NOL4: variants seen among roughly 807,000 people sequenced by gnomAD.
The protein encoded by NOL4 is nucleolar protein 4.
NOL4 carries 17 observed loss-of-function variants against 75.9 expected under a neutral mutation model. That is an observed-to-expected ratio of 0.22 (90% CI 0.15 to 0.34). The LOEUF (loss-of-function observed/expected upper bound fraction) is 0.34. Among genes scored for constraint, NOL4 ranks in the 10% least tolerant of loss-of-function variants. The pLI is 1.00. For missense variants in NOL4, 614 were observed against 793.5 expected, an observed-to-expected ratio of 0.77 and a Z score of 2.72; for synonymous variants, 292 against 289.9, an observed-to-expected ratio of 1.01 and a Z score of -0.07.
chr18:33,993,011 G>C (rs559120312), intron 6 of NOL4, among the ~76,000 whole-genome samples: 1 of 152,110 alleles, frequency 6.6e-6, no homozygotes, highest in South Asian at 2.1e-4. Flanking sequence ...CAACTGGAAG[G>C]AGATTGGCAG....
chr18:33,968,693 G>A (rs2070801955), intron 6 of NOL4, among the ~76,000 whole-genome samples: 1 of 152,152 alleles, frequency 6.6e-6, no homozygotes, highest in East Asian at 1.9e-4. Context: ...CACTACCTGT[G>A]TGAGGGGATC....
At chr18:34,147,253 T>C (rs2081439163) in intron 1 of NOL4, among the ~76,000 whole-genome samples, 1 of 152,168 alleles carries the variant, frequency 6.6e-6, no homozygotes, top group South Asian at 2.1e-4. Context: ...TCCAACACTA[T>C]GTTGAATAGG....
chr18:34,077,982 C>T (rs1347570660), intron 5 of NOL4, among the ~76,000 whole-genome samples: 2 of 152,092 alleles, frequency 1.3e-5, no homozygotes, highest in African/African-American at 2.4e-5. Context: ...ATAATTTTTA[C>T]ACCTAAGAAA....
intron 10 of NOL4, among the ~76,000 whole-genome samples, chr18:33,858,945 T>C (rs1567964899): frequency 6.6e-6 from 1 of 152,104 alleles, no homozygotes. Flanking sequence ...CTTTCAAGTA[T>C]AATGGTATAA....
intron 8 of NOL4, among the ~76,000 whole-genome samples, chr18:33,956,621 G>A (rs1008672314): frequency 6.6e-6 from 1 of 152,144 alleles, no homozygotes; most frequent in African/African-American, 2.4e-5. Flanking sequence ...GTTATTTCTA[G>A]ATGTAACAAT....
intron 10 of NOL4, among the ~76,000 whole-genome samples, chr18:33,859,003 TTA>T (rs2062967298): frequency 6.6e-6 from 1 of 152,102 alleles, no homozygotes; most frequent in Non-Finnish European, 1.5e-5. Context: ...AAAATTTCTA[TTA>T]TGTTTCATCT....
At chr18:33,918,019 C>A (rs1360016945) in intron 9 of NOL4, among the ~76,000 whole-genome samples, 1 of 152,122 alleles carries the variant, frequency 6.6e-6, no homozygotes, top group Non-Finnish European at 1.5e-5. Flanking sequence ...ACATCTTATT[C>A]TAGTTTAGGG....
rs34125584 is a variant in NOL4 at position 33,970,725 on chromosome 18, TTGTGTGTGTG to T, written c.1057-12317_1057-12308del. On this transcript the variant is annotated intron_variant, in intron 6 of 10. Coordinates refer to ENST00000261592, the MANE Select transcript of NOL4 (RefSeq NM_003787.5). Reference sequence around the variant, plus strand: ...TGGAAAACTTACTTCTTCAAGCTATTTGTGTGTGTGTGTGTGTGTGTGTGTGTATGTGTAT... The same window carrying T: ...TGGAAAACTTACTTCTTCAAGCTATTTGTGTGTGTGTGTGTGTATGTGTAT... Among the ~76,000 whole-genome samples the T allele has an allele frequency of 8.2e-5, 12 of 146,934 alleles. No homozygotes were observed. The Admixed American group carries it at 8.2e-4, about 10-fold the overall frequency.
At chr18:34,117,820 C>T (rs1835720196) in intron 2 of NOL4, among the ~76,000 whole-genome samples, 1 of 152,138 alleles carries the variant, frequency 6.6e-6, no homozygotes, top group Non-Finnish European at 1.5e-5. Flanking sequence ...GCAGAGAAGC[C>T]ATTCTTGGTC....
At chr18:34,129,424 T>C (rs1176868069) in intron 2 of NOL4, among the ~76,000 whole-genome samples, 1 of 151,742 alleles carries the variant, frequency 6.6e-6, no homozygotes, top group Non-Finnish European at 1.5e-5. Context: ...ACATAAAATA[T>C]TCCTCATGAC....
At chr18:34,174,471 T>G (rs768560838) in intron 1 of NOL4, among the ~76,000 whole-genome samples, 2 of 152,174 alleles carry the variant, frequency 1.3e-5, no homozygotes, top group African/African-American at 4.8e-5. Flanking sequence ...TTGCTCTAGA[T>G]TCATCTTCTG....
At chr18:33,957,649 G>A in intron 7 of NOL4, 132 bp from the exon 8 acceptor site, 1 of 603,584 alleles carries the variant, frequency 1.7e-6, no homozygotes, top group Non-Finnish European at 2.7e-6. Context: ...GCAATGGAAA[G>A]CCAGAAATTT....
intron 1 of NOL4, chr18:34,222,219 C>T: frequency 7.1e-7 from 1 of 1,413,158 alleles, no homozygotes; most frequent in Non-Finnish European, 9.2e-7. Context: ...GGCCATGAGA[C>T]TAGAGCCACC....
At chr18:34,109,556 T>G (rs1045139109) in intron 2 of NOL4, among the ~76,000 whole-genome samples, 20 of 151,860 alleles carry the variant, frequency 1.3e-4, no homozygotes, top group Admixed American at 5.3e-4. Flanking sequence ...ATGAATTAAT[T>G]TTTAAAAGAA....
intron 1 of NOL4, among the ~76,000 whole-genome samples, chr18:34,169,747 A>G (rs1409672078): frequency 6.6e-6 from 1 of 152,164 alleles, no homozygotes; most frequent in Non-Finnish European, 1.5e-5. Context: ...GTATTAACAA[A>G]CTAAAAAGAA....
intron 10 of NOL4, among the ~76,000 whole-genome samples, chr18:33,880,490 C>T (rs560553309): frequency 2.0e-5 from 3 of 152,154 alleles, no homozygotes. Flanking sequence ...CTTTAGACTT[C>T]AACCTGGTAT....
At chr18:34,003,567 TC>T (rs1259595063) in intron 6 of NOL4, among the ~76,000 whole-genome samples, 2 of 152,060 alleles carry the variant, frequency 1.3e-5, no homozygotes, top group African/African-American at 4.8e-5. Context: ...TTATTAATTT[TC>T]CCTGTAAGAT....
intron 9 of NOL4, among the ~76,000 whole-genome samples, chr18:33,899,661 C>T (rs1432599262): frequency 6.6e-6 from 1 of 152,108 alleles, no homozygotes; most frequent in Admixed American, 6.6e-5. Context: ...TGAATGGACT[C>T]GATTCAGAAG....
intron 6 of NOL4, among the ~76,000 whole-genome samples, chr18:33,996,442 T>C (rs527710631): frequency 6.6e-6 from 1 of 151,996 alleles, no homozygotes; most frequent in East Asian, 1.9e-4. Flanking sequence ...ATTTATTTTA[T>C]AATCAGGGAT....
Sources: gnomAD v4.1 joint callset for allele counts (sites outside exome capture counted in the v4.1 genomes callset) on GRCh38, gnomAD v4.1.1 for gene constraint, MANE v1.5 for transcripts, NCBI Gene and HGNC (gene_info 2026-07-23, HGNC 2026-07-21) for gene names.